The following CNPPD1 variants were observed in gnomAD, a reference collection of about 807,000 sequenced individuals.
The protein encoded by CNPPD1 is protein CNPPD1.
CNPPD1 carries 40 observed loss-of-function variants against 43.7 expected under a neutral mutation model. The observed-to-expected ratio is 0.92, with a 90% CI of 0.71 to 1.19. The LOEUF (loss-of-function observed/expected upper bound fraction) is 1.19, where lower values mean the gene tolerates loss of function less well. Among genes scored for constraint, CNPPD1 ranks in the 50% most tolerant of loss-of-function variants. The pLI is 0.00. For synonymous variants in CNPPD1, 208 were observed against 214.3 expected (o/e 0.97, Z 0.26); for missense variants, 511 against 518.5 (o/e 0.99, Z 0.14).
chr2:219,176,949 C>T (rs527316692), upstream of CNPPD1: 1,177 of 716,992 alleles, frequency 1.6e-3, 15 homozygotes, highest in African/African-American at 0.021. Context: ...GGGCCGCCGT[C>T]CTCGCCCTCG....
At position 219,172,249 on chromosome 2, in the gene CNPPD1, C is replaced by T. The variant is rs1169499925; in HGVS notation, c.*337G>A. 1.4e-5 allele frequency: 5 copies of T among 345,094 alleles called. No homozygotes were observed. The highest frequency in any genetic ancestry group is 1.2e-4 in the South Asian group (4 of 33,152). 21.4% of individuals were successfully genotyped at this position (345,094 alleles called of 1,614,324 possible). ...TCCTCTCACCCCACTTCCCTTATCT[C>T]CCACCTATACTCTTCCATCCTAGGG... is the stretch of plus-strand genomic sequence containing the variant. On this transcript the variant is annotated 3_prime_UTR_variant, in exon 8 of 8. Transcript: ENST00000360507.
chr2:219,177,122 G>C, upstream of CNPPD1: 1 of 338,542 alleles, frequency 3.0e-6, no homozygotes. Context: ...GCAGAAAGGA[G>C]ATGCGGCTGC....
chr2:219,173,567 C>A, intron 6 of CNPPD1, 100 bp from the exon 7 acceptor site: 1 of 903,844 alleles, frequency 1.1e-6, no homozygotes, highest in Non-Finnish European at 1.7e-6. Flanking sequence ...CACTGGGAAG[C>A]CTGTTAAACC....
At position 219,174,869 on chromosome 2, in the gene CNPPD1, T is replaced by C; in HGVS notation, c.419A>G (p.Glu140Gly). 1 of 1,614,014 alleles carries C rather than the reference T, an allele frequency of 6.2e-7. No homozygotes were observed. Among genetic ancestry groups the C allele is most frequent in the African/African-American group, 1.3e-5 (1 of 74,966 alleles). Reference protein sequence around the residue: ...ASKYLYDEGEEEEVFNDEWGA... With the variant: ...ASKYLYDEGEGEEVFNDEWGA... ...CCATTCGTCGTTGAAGACCTCCTCC[T>C]CCTCCCCTTCATCATAGAGGTACTT... Residue 140 changes from glutamate (E) to glycine (G), a missense_variant, in exon 5 of 8, where the codon GAG becomes GGG. Glu to Gly is a moderately conservative substitution (Grantham distance 98, BLOSUM62 -2). Coordinates refer to ENST00000360507, the MANE Select transcript of CNPPD1 (RefSeq NM_015680.6).
Position 219,176,332 on chromosome 2 carries a change from C to A in CNPPD1, c.70-1G>T. 3 of 1,609,086 alleles carry A rather than the reference C, an allele frequency of 1.9e-6. No homozygotes were observed. Among genetic ancestry groups the A allele is most frequent in the Non-Finnish European group, 1.7e-6 (2 of 1,175,386 alleles). The stretch of plus-strand genomic sequence containing the variant: ...TCAGCTTCTGGTGTCCTGGGAGGAA[C>A]TGAAACAGGGCAGGGGCAGCGGAGG... On this transcript the variant is annotated splice_acceptor_variant, in intron 1 of 7. Transcript: ENST00000360507. LOFTEE classifies it high-confidence loss of function.
chr2:219,174,668 G>T, intron 5 of CNPPD1, 110 bp downstream of exon 5: 1 of 1,424,926 alleles, frequency 7.0e-7, no homozygotes, highest in Admixed American at 2.3e-5. Flanking sequence ...GGCAGGAGGA[G>T]GACAGGAAGA....
intron 6 of CNPPD1, 142 bp downstream of exon 6, chr2:219,174,004 G>A (rs1950118594): frequency 7.6e-6 from 6 of 789,216 alleles, no homozygotes; most frequent in Non-Finnish European, 1.3e-5. Flanking sequence ...GAGGACAGAT[G>A]GGTCTGGGAA....
chr2:219,173,543 G>A (rs1950110712), intron 6 of CNPPD1, 76 bp from the exon 7 acceptor site: 1 of 1,265,664 alleles, frequency 7.9e-7, no homozygotes, highest in East Asian at 2.4e-5. Context: ...TACCACTCAG[G>A]ACCCACCAGG....
chr2:219,177,630 T>C (rs1238625024), upstream of CNPPD1: 1 of 152,022 alleles, frequency 6.6e-6, no homozygotes, highest in Non-Finnish European at 1.5e-5. Context: ...ATGTAAGGCC[T>C]CAAAACGTGT....
At chr2:219,176,619 C>T in intron 1 of CNPPD1, 141 bp downstream of exon 1, 2 of 702,504 alleles carry the variant, frequency 2.8e-6, no homozygotes, top group Non-Finnish European at 4.7e-6. Flanking sequence ...CCCTCCCGGC[C>T]CAAGCAGCCG....
Position 219,174,850 on chromosome 2 carries a change from G to C in CNPPD1, c.438C>G (p.Asp146Glu), listed in dbSNP as rs774356157. ...CCACACCCCCAGCAGCTCCCCATTC[G>C]TCGTTGAAGACCTCCTCCTCCTCCC... ...DEGEEEEVFN[D>E]EWGAAGGVAV... Residue 146 changes from aspartate to glutamate, a missense_variant, in exon 5 of 8, where the codon GAC becomes GAG. Asp to Glu is a conservative substitution (Grantham distance 45). Transcript: ENST00000360507. The C allele has an allele frequency of 4.3e-6, 7 of 1,614,018 alleles. No homozygotes were observed. Among genetic ancestry groups the C allele is most frequent in the Middle Eastern group, 1.6e-4 (1 of 6,084 alleles).
At chr2:219,175,193 C>CT (rs1950139385) in intron 3 of CNPPD1, 85 bp from the exon 4 acceptor site, 2 of 1,472,744 alleles carry the variant, frequency 1.4e-6, no homozygotes, top group African/African-American at 1.4e-5. Context: ...GTCTTTACCT[C>CT]TTATCTTTGG....
intron 2 of CNPPD1, 130 bp from the exon 3 acceptor site, chr2:219,175,802 T>G (rs1289287639): frequency 1.4e-6 from 1 of 739,536 alleles, no homozygotes; most frequent in Non-Finnish European, 2.3e-6. Context: ...AGTAACAAAA[T>G]AGAGATCAAA....
Position 219,172,729 on chromosome 2 carries a change from A to G in CNPPD1, c.1090T>C (p.Ser364Pro). ...CCATAGGTATGGTACCAGGGGCTGG[A>G]CAGCGCAGTGGGGACTGTACGGTTG... Reference protein sequence around the residue: ...HPNRTVPTALSSPWYHTYGLA... With the variant: ...HPNRTVPTALPSPWYHTYGLA... The change falls in exon 8 of 8, where the codon TCC becomes CCC. Residue 364 changes from serine to proline, a missense_variant. Transcript: ENST00000360507. 1.9e-6 allele frequency: 3 copies of G among 1,613,624 alleles called. No homozygotes were observed. The highest frequency in any genetic ancestry group is 2.5e-6 in the Non-Finnish European group (3 of 1,179,730).
intron 2 of CNPPD1, 110 bp from the exon 3 acceptor site, chr2:219,175,782 A>G (rs1950149644): frequency 4.5e-6 from 4 of 886,098 alleles, no homozygotes; most frequent in Non-Finnish European, 5.6e-6. Context: ...GGCCTTGGGG[A>G]CAGGACCATA....
chr2:219,175,374 G>A (rs1299331278), intron 3 of CNPPD1, among the ~76,000 whole-genome samples: 1 of 151,982 alleles, frequency 6.6e-6, no homozygotes, highest in African/African-American at 2.4e-5. Context: ...GTGTGTGCCT[G>A]TAGTCCCAGC....
rs529340389 is a variant in CNPPD1, at chr2:219,174,271, A to G, written c.511-64T>C. 8 of 1,515,078 alleles carry G rather than the reference A, an allele frequency of 5.3e-6. No homozygotes were observed. The Admixed American group carries it at 1.0e-4, about 19-fold the overall frequency. The allele number at this position is 1,515,078 out of a possible 1,614,324, so 93.9% of individuals were successfully genotyped here. A position where few individuals can be genotyped will look rare whatever the true frequency, so the allele number is the denominator to read the frequency against. On this transcript the variant is annotated intron_variant, in intron 5 of 7. Coordinates refer to ENST00000360507, the MANE Select transcript of CNPPD1 (RefSeq NM_015680.6). ...TGAGCCACAGTCATTTAATAATAAGAGCCATAGCAGCAACTACAACCGCCC... is the reference window on the plus strand; with the variant it reads ...TGAGCCACAGTCATTTAATAATAAGGGCCATAGCAGCAACTACAACCGCCC...
intron 1 of CNPPD1, among the ~76,000 whole-genome samples, chr2:219,176,555 G>C (rs768447077): frequency 6.6e-6 from 1 of 152,196 alleles, no homozygotes; most frequent in Non-Finnish European, 1.5e-5. Context: ...GAAGTTCTCC[G>C]AGAAGGGCCC....
rs1213984890 is a variant in CNPPD1, at chr2:219,172,584, A to T, written c.*2T>A. 6 of 1,613,848 alleles carry T rather than the reference A, an allele frequency of 3.7e-6. No homozygotes were observed. Among genetic ancestry groups the T allele is most frequent in the Non-Finnish European group, 5.1e-6 (6 of 1,179,870 alleles). ...CTCTTAATGCATTCCTCACAGCCCT[A>T]CCTAGCCTGGGAAAACGAAAGACTT... On this transcript the variant is annotated 3_prime_UTR_variant, in exon 8 of 8. Coordinates refer to ENST00000360507, the MANE Select transcript of CNPPD1 (RefSeq NM_015680.6).
Sources: gnomAD v4.1 joint callset for allele counts (sites outside exome capture counted in the v4.1 genomes callset) on GRCh38, gnomAD v4.1.1 for gene constraint, MANE v1.5 for transcripts, NCBI Gene and HGNC (gene_info 2026-07-23, HGNC 2026-07-21) for gene names.